STIM1: variants seen among roughly 807,000 people sequenced by gnomAD.
STIM1 encodes stromal interaction molecule 1.
STIM1 carries 25 observed loss-of-function variants against 74.7 expected under a neutral mutation model. That is an observed-to-expected ratio of 0.33 (90% CI 0.24 to 0.47). The LOEUF is 0.47. STIM1 is among the 20% of genes least tolerant of loss of function. The pLI, the probability that STIM1 is intolerant of heterozygous loss-of-function variation, is 1.00. For missense variants in STIM1, 728 were observed against 920.8 expected, an observed-to-expected ratio of 0.79 and a Z score of 2.71; for synonymous variants, 328 against 348.8, an observed-to-expected ratio of 0.94 and a Z score of 0.66.
In STIM1 at chr11:3,989,132, C is replaced by T; in HGVS notation, c.270+21450C>T. The T allele has an allele frequency of 1.0e-5, 14 of 1,388,698 alleles. No individual in the cohort carries two copies. The South Asian group carries it at 1.2e-4, about 12-fold the overall frequency. 86.0% of individuals were successfully genotyped at this position (1,388,698 alleles called of 1,614,324 possible). A position where few individuals can be genotyped will look rare whatever the true frequency, so the allele number is the denominator to read the frequency against. On this transcript the variant is annotated intron_variant, in intron 2 of 12. Coordinates refer to ENST00000526596, the MANE Select transcript of STIM1 (RefSeq NM_001382567.1). The stretch of plus-strand genomic sequence containing the variant: ...ATTGTACAAGAAGGGAGACAGGGAC[C>T]ACTGATAATGTATGATGTGTGGTAT...
intron 1 of STIM1, among the ~76,000 whole-genome samples, chr11:3,941,491 A>G (rs1443699063): frequency 6.6e-6 from 1 of 152,058 alleles, no homozygotes; most frequent in African/African-American, 2.4e-5. Flanking sequence ...GTAGATGTGT[A>G]GGACTTGGGC....
intron 5 of STIM1, among the ~76,000 whole-genome samples, chr11:4,061,599 T>G (rs1177017666): frequency 6.6e-6 from 1 of 152,158 alleles, no homozygotes; most frequent in Non-Finnish European, 1.5e-5. Flanking sequence ...TTCTCAGAAA[T>G]TAGACACAGA....
At chr11:3,897,482 CTTTT>C (rs1346492212) in intron 1 of STIM1, among the ~76,000 whole-genome samples, 4 of 151,848 alleles carry the variant, frequency 2.6e-5, no homozygotes, top group Non-Finnish European at 4.4e-5. Flanking sequence ...TTGTACAGTG[CTTTT>C]TGTTTGTTTG....
chr11:3,985,164 A>G (rs771484183), intron 2 of STIM1, among the ~76,000 whole-genome samples: 1 of 152,172 alleles, frequency 6.6e-6, no homozygotes, highest in Non-Finnish European at 1.5e-5. Context: ...TTTGACAGAT[A>G]GGGAAATTCT....
intron 1 of STIM1, among the ~76,000 whole-genome samples, chr11:3,958,758 T>TC: frequency 6.6e-6 from 1 of 151,664 alleles, no homozygotes; most frequent in South Asian, 2.1e-4. Context: ...TCACCTCAGG[T>TC]CAGGAGTTTG....
At chr11:3,870,761 G>T (rs1025950590) in intron 1 of STIM1, among the ~76,000 whole-genome samples, 1 of 151,590 alleles carries the variant, frequency 6.6e-6, no homozygotes, top group Admixed American at 6.6e-5. Flanking sequence ...GCCTCCCAAA[G>T]TGCTGGGATT....
At chr11:3,892,771 C>T (rs774737325) in intron 1 of STIM1, 585 of 1,613,110 alleles carry the variant, frequency 3.6e-4, no homozygotes, top group Middle Eastern at 8.2e-4. Context: ...CTCCAGTGCT[C>T]AGAGCACGAA....
intron 5 of STIM1, among the ~76,000 whole-genome samples, chr11:4,069,313 C>G (rs1401395114): frequency 7.9e-5 from 12 of 152,176 alleles, no homozygotes; most frequent in Admixed American, 7.2e-4. Flanking sequence ...TGAACCCCAG[C>G]TGGTGGCTGG....
intron 7 of STIM1, among the ~76,000 whole-genome samples, chr11:4,078,027 C>T (rs994418341): frequency 2.0e-5 from 3 of 152,070 alleles, no homozygotes; most frequent in African/African-American, 7.2e-5. Context: ...TATTTTTCCT[C>T]TTGATTATTA....
At position 3,895,676 on chromosome 11, in the gene STIM1, TTCC is replaced by T. The variant is rs1565104881; in HGVS notation, c.139+39269_139+39271del. ...TTTCTTTCTTTCTTTCTTTCTTTCC[TTCC>T]TTCCTTCTTTCTTTCTTTCTTTCTT... On this transcript the variant is annotated intron_variant, in intron 1 of 12. Coordinates refer to ENST00000526596, the MANE Select transcript of STIM1 (RefSeq NM_001382567.1). 9.4e-3 allele frequency among the ~76,000 whole-genome samples: 400 copies of T among 42,750 alleles called. 3 individuals carry two copies. Among genetic ancestry groups the T allele is most frequent in the African/African-American group, 0.027 (172 of 6,478 alleles). 28.0% of individuals were successfully genotyped at this position (42,750 alleles called of 152,430 possible).
intron 2 of STIM1, among the ~76,000 whole-genome samples, chr11:3,993,987 A>G (rs2093638855): frequency 6.6e-6 from 1 of 152,152 alleles, no homozygotes; most frequent in South Asian, 2.1e-4. Flanking sequence ...ACTTTTTTGT[A>G]TGGATTCAAA....
chr11:4,032,476 G>A (rs1479475029), intron 3 of STIM1, among the ~76,000 whole-genome samples: 1 of 152,096 alleles, frequency 6.6e-6, no homozygotes, highest in Non-Finnish European at 1.5e-5. Flanking sequence ...GGTAGTGTTA[G>A]CCCTCCAACT....
At chr11:3,937,290 C>CAATAATAATAATAATAAT (rs5789317) in intron 1 of STIM1, among the ~76,000 whole-genome samples, 2,881 of 133,028 alleles carry the variant, frequency 0.022, 59 homozygotes, top group East Asian at 0.054. Context: ...GACTTCATCT[C>CAATAATAATAATAATAAT]AATAATAATA....
intron 2 of STIM1, among the ~76,000 whole-genome samples, chr11:4,007,990 C>T (rs892173108): frequency 6.6e-6 from 1 of 151,916 alleles, no homozygotes; most frequent in African/African-American, 2.4e-5. Flanking sequence ...TTTAAGATAC[C>T]CCAAATTGTA....
At chr11:3,862,884 A>G (rs933547112) in intron 1 of STIM1, among the ~76,000 whole-genome samples, 12 of 144,840 alleles carry the variant, frequency 8.3e-5, no homozygotes, top group East Asian at 3.9e-4. Flanking sequence ...ACACACGCAC[A>G]CACACACACA....
intron 2 of STIM1, among the ~76,000 whole-genome samples, chr11:3,979,926 C>T (rs111934179): frequency 6.6e-6 from 1 of 152,136 alleles, no homozygotes; most frequent in Admixed American, 6.6e-5. Context: ...CTTAGTTGTC[C>T]TCTAGAATGT....
chr11:3,935,544 A>C (rs1016791780), intron 1 of STIM1, among the ~76,000 whole-genome samples: 2 of 152,224 alleles, frequency 1.3e-5, no homozygotes, highest in Non-Finnish European at 2.9e-5. Context: ...GTAAATAAAA[A>C]ACAAAGTTGG....
chr11:4,060,758 A>G (rs1342194078), intron 5 of STIM1, among the ~76,000 whole-genome samples: 1 of 152,220 alleles, frequency 6.6e-6, no homozygotes, highest in African/African-American at 2.4e-5. Flanking sequence ...GGAGATAGCT[A>G]TGTCAACAAA....
rs192342987 is a variant in STIM1, at chr11:3,867,197, C to A, written c.139+10788C>A. 192 of 152,320 alleles carry A rather than the reference C, an allele frequency of 1.3e-3. 1 individual carries two copies. The highest frequency in any genetic ancestry group is 4.3e-3 in the African/African-American group (178 of 41,548). The allele number at this position is 152,320 out of a possible 1,614,324, so 9.4% of individuals were successfully genotyped here. A position where few individuals can be genotyped will look rare whatever the true frequency, so the allele number is the denominator to read the frequency against. On this transcript the variant is annotated intron_variant, in intron 1 of 12. Coordinates refer to ENST00000526596, the MANE Select transcript of STIM1 (RefSeq NM_001382567.1). ...GATTATTTTTCTGCCTGACCTAGTA[C>A]TTCATCCCTATTTACTAAGCACCTA...
Sources: allele counts gnomAD v4.1 joint callset (sites outside exome capture counted in the v4.1 genomes callset), GRCh38; gene constraint gnomAD v4.1.1; transcripts MANE v1.5; gene names NCBI Gene and HGNC (gene_info 2026-07-23, HGNC 2026-07-21).